Variants in UBE2K observed in about 807,000 individuals in gnomAD.
The protein encoded by UBE2K is ubiquitin conjugating enzyme E2 K.
A neutral mutation model predicts 30.0 loss-of-function variants in UBE2K; 6 were observed. The observed-to-expected ratio is 0.20, with a 90% CI of 0.11 to 0.39. The LOEUF (loss-of-function observed/expected upper bound fraction) is 0.39. UBE2K is among the 10% of genes least tolerant of loss of function. The pLI is 1.00. For missense variants in UBE2K, 61 were observed against 241.6 expected, an observed-to-expected ratio of 0.25 and a Z score of 4.96; for synonymous variants, 86 against 83.7, an observed-to-expected ratio of 1.03 and a Z score of -0.15.
intron 1 of UBE2K, among the ~76,000 whole-genome samples, chr4:39,715,002 G>T (rs1718967372): frequency 6.6e-6 from 1 of 151,104 alleles, no homozygotes; most frequent in Non-Finnish European, 1.5e-5. Context: ...GGGACTACAG[G>T]TACAAGCCAC....
intron 1 of UBE2K, chr4:39,714,347 C>G (rs1416076535): frequency 5.4e-6 from 1 of 186,380 alleles, no homozygotes; most frequent in Non-Finnish European, 1.2e-5. Flanking sequence ...ACCAAGCCCT[C>G]AAGGATTATG....
rs191097862 is a variant in UBE2K, at chr4:39,781,244, G to A, written c.*2810G>A. 8 of 152,152 alleles carry A rather than the reference G, an allele frequency of 5.3e-5. No homozygotes were observed. In the South Asian group the frequency reaches 8.3e-4, roughly 16 times the overall value. 9.4% of individuals were successfully genotyped at this position (152,152 alleles called of 1,614,324 possible). A position where few individuals can be genotyped will look rare whatever the true frequency, so the allele number is the denominator to read the frequency against. On this transcript the variant is annotated 3_prime_UTR_variant, in exon 7 of 7. Coordinates refer to ENST00000261427, the MANE Select transcript of UBE2K (RefSeq NM_005339.5). ...TCACGACTATGATTTACTTAAACAC[G>A]TAACACATTCAAGGATATATAAATG...
At chr4:39,730,892 C>G (rs1482786328) in intron 1 of UBE2K, among the ~76,000 whole-genome samples, 1 of 149,408 alleles carries the variant, frequency 6.7e-6, no homozygotes, top group South Asian at 2.1e-4. Flanking sequence ...TCACTGCAAC[C>G]TCCGCCTCTC....
At chr4:39,767,070 A>G (rs1193088594) in intron 4 of UBE2K, among the ~76,000 whole-genome samples, 1 of 152,082 alleles carries the variant, frequency 6.6e-6, no homozygotes, top group Non-Finnish European at 1.5e-5. Flanking sequence ...TAACTTTGAT[A>G]AAATTGTCGT....
At chr4:39,736,010 GTGGT>G (rs892536753) in intron 1 of UBE2K, among the ~76,000 whole-genome samples, 1 of 53,652 alleles carries the variant, frequency 1.9e-5, no homozygotes, top group East Asian at 8.7e-4. Context: ...AGTAAAAATT[GTGGT>G]TTTTTTTTTT....
At chr4:39,771,309 CTT>C (rs1400273109) in intron 4 of UBE2K, 1 of 1,612,104 alleles carries the variant, frequency 6.2e-7, no homozygotes, top group African/African-American at 1.3e-5. Context: ...GGCCTCGAAA[CTT>C]GAGGCTGTCG....
chr4:39,742,531 G>A (rs1720759289), intron 2 of UBE2K, among the ~76,000 whole-genome samples: 1 of 151,966 alleles, frequency 6.6e-6, no homozygotes, highest in Non-Finnish European at 1.5e-5. Context: ...GAGGTCAGGA[G>A]TTTGAGACCA....
chr4:39,745,291 G>A (rs867159138), intron 2 of UBE2K, among the ~76,000 whole-genome samples: 8 of 152,188 alleles, frequency 5.3e-5, no homozygotes, highest in African/African-American at 1.4e-4. Context: ...GCGAGAACCA[G>A]CTAGAAGTAG....
rs538205489 is a variant in UBE2K at position 39,779,695 on chromosome 4, A to G, written c.*1261A>G. The G allele has an allele frequency of 6.5e-6, 1 of 152,694 alleles. No homozygotes were observed. The highest frequency in any genetic ancestry group is 1.9e-4 in the East Asian group (1 of 5,192). The allele number at this position is 152,694 out of a possible 1,614,324, so 9.5% of individuals were successfully genotyped here. ...TTTTGCAAGATCACACACTAATGTA[A>G]CCATTTTATGAAGGTTGAAGTGGAT... is the stretch of plus-strand genomic sequence containing the variant. On this transcript the variant is annotated 3_prime_UTR_variant, in exon 7 of 7. Coordinates refer to ENST00000261427, the MANE Select transcript of UBE2K (RefSeq NM_005339.5).
At chr4:39,755,882 T>C in intron 4 of UBE2K, 143 bp downstream of exon 4, 1 of 557,060 alleles carries the variant, frequency 1.8e-6, no homozygotes. Flanking sequence ...AGTGCATAAC[T>C]GAAAATGCAT....
intron 3 of UBE2K, among the ~76,000 whole-genome samples, chr4:39,747,962 C>G (rs1390287274): frequency 6.6e-6 from 1 of 151,932 alleles, no homozygotes; most frequent in African/African-American, 2.4e-5. Flanking sequence ...CCACCAAGCC[C>G]AGCTAATTTT....
intron 1 of UBE2K, 86 bp downstream of exon 1, chr4:39,698,476 C>T (rs1345201460): frequency 3.1e-6 from 4 of 1,280,606 alleles, no homozygotes; most frequent in Non-Finnish European, 4.4e-6. Flanking sequence ...CCCGGTAGTC[C>T]CTGGGTGGTC....
intron 4 of UBE2K, among the ~76,000 whole-genome samples, chr4:39,758,413 C>G (rs1178825712): frequency 6.6e-6 from 1 of 152,188 alleles, no homozygotes; most frequent in African/African-American, 2.4e-5. Context: ...TGCAGTGGCT[C>G]ATGCCTGTAA....
At chr4:39,720,566 G>T (rs953964335) in intron 1 of UBE2K, among the ~76,000 whole-genome samples, 2 of 152,084 alleles carry the variant, frequency 1.3e-5, no homozygotes, top group African/African-American at 2.4e-5. Context: ...TTTAAGTAAG[G>T]GGACCTATGG....
chr4:39,713,873 A>G (rs1718855341), intron 1 of UBE2K: 3 of 151,732 alleles, frequency 2.0e-5, no homozygotes, highest in Non-Finnish European at 4.4e-5. Context: ...TAAAAATAAC[A>G]TCCTTGCCCA....
At chr4:39,745,613 C>G in intron 2 of UBE2K, 139 bp from the exon 3 acceptor site, 1 of 626,142 alleles carries the variant, frequency 1.6e-6, no homozygotes, top group Non-Finnish European at 2.7e-6. Context: ...CTTTTGATTA[C>G]TTTCTTTCTG....
In UBE2K at chr4:39,737,883, GT is replaced by G. The variant is rs1475770593; in HGVS notation, c.157+372del. ...GCCTTAAATATCTCATTGGTAAAATGTTGCTTTTGTTTTTAAAGTTCTTCTT... is the reference window on the plus strand; with the variant it reads ...GCCTTAAATATCTCATTGGTAAAATGTGCTTTTGTTTTTAAAGTTCTTCTT... On this transcript the variant is annotated intron_variant, in intron 2 of 6. Coordinates refer to ENST00000261427, the MANE Select transcript of UBE2K (RefSeq NM_005339.5). Among the ~76,000 whole-genome samples the G allele has an allele frequency of 2.0e-5, 3 of 152,092 alleles. 1 individual carries two copies. The highest frequency in any genetic ancestry group is 2.0e-4 in the Admixed American group (3 of 15,268).
At chr4:39,709,671 AAG>A (rs1718564920) in intron 1 of UBE2K, among the ~76,000 whole-genome samples, 1 of 152,048 alleles carries the variant, frequency 6.6e-6, no homozygotes, top group Non-Finnish European at 1.5e-5. Context: ...CCCTGTGGAT[AAG>A]AGGGGATATA....
intron 1 of UBE2K, among the ~76,000 whole-genome samples, chr4:39,732,507 A>C (rs1383953468): frequency 6.6e-6 from 1 of 152,148 alleles, no homozygotes; most frequent in African/African-American, 2.4e-5. Flanking sequence ...TGGCCTTGGA[A>C]ATACATTAGA....
Sources: gnomAD v4.1 joint callset for allele counts (sites outside exome capture counted in the v4.1 genomes callset) on GRCh38, gnomAD v4.1.1 for gene constraint, MANE v1.5 for transcripts, NCBI Gene and HGNC (gene_info 2026-07-23, HGNC 2026-07-21) for gene names.